The following ABHD3 variants were observed in gnomAD, a reference collection of about 807,000 sequenced individuals.
ABHD3 encodes abhydrolase domain containing 3, phospholipase.
A neutral mutation model predicts 48.8 loss-of-function variants in ABHD3; 46 were observed. The ratio of observed to expected loss-of-function variants is 0.94; its 90% CI spans 0.74 to 1.20. ABHD3 has a LOEUF of 1.20. Ranked by LOEUF, ABHD3 falls within the 50% of genes most tolerant of loss-of-function variation. The pLI is 0.00. For synonymous variants in ABHD3, 192 were observed against 183.7 expected (o/e 1.04, Z -0.36); for missense variants, 490 against 497.8 (o/e 0.98, Z 0.15).
chr18:21,696,755 T>TG (rs11442722), intron 3 of ABHD3, among the ~76,000 whole-genome samples: 13,529 of 151,628 alleles, frequency 0.089, 1,994 homozygotes, highest in African/African-American at 0.31. Context: ...TTGGTAGAAA[T>TG]GGGGGGTCTC....
At chr18:21,682,292 G>A (rs1419272939) in intron 4 of ABHD3, 1 of 152,212 alleles carries the variant, frequency 6.6e-6, no homozygotes, top group Non-Finnish European at 1.5e-5. Flanking sequence ...ATAGTAAGTA[G>A]CTGCTACTGT....
intron 5 of ABHD3, chr18:21,663,537 T>C (rs1046105383): frequency 1.4e-5 from 11 of 799,224 alleles, no homozygotes; most frequent in African/African-American, 3.5e-5. Flanking sequence ...CCCAAAGTAA[T>C]TGCAAGCAGC....
At chr18:21,654,246 C>T (rs1014250025) in intron 8 of ABHD3, among the ~76,000 whole-genome samples, 1 of 151,980 alleles carries the variant, frequency 6.6e-6, no homozygotes, top group Non-Finnish European at 1.5e-5. Flanking sequence ...GTGATTGATG[C>T]AATAATTACA....
rs1483254522 is a variant in ABHD3 at position 21,659,155 on chromosome 18, T to C, written c.842+15A>G. 3 of 1,608,478 alleles carry C rather than the reference T, an allele frequency of 1.9e-6. No homozygotes were observed. The highest frequency in any genetic ancestry group is 2.5e-6 in the Non-Finnish European group (3 of 1,177,672). Reference sequence around the variant, plus strand: ...GGCCCGGCCCTGGAGACAACAGATTTTAAAGATGACTCACTTATTAACTGA... The same window carrying C: ...GGCCCGGCCCTGGAGACAACAGATTCTAAAGATGACTCACTTATTAACTGA... On this transcript the variant is annotated intron_variant, in intron 6 of 8. Coordinates refer to ENST00000289119, the MANE Select transcript of ABHD3 (RefSeq NM_138340.5).
chr18:21,659,030 G>A (rs1248457930), intron 6 of ABHD3, 140 bp downstream of exon 6: 5 of 746,426 alleles, frequency 6.7e-6, no homozygotes, highest in African/African-American at 5.6e-5. Context: ...TGGTAGAGAC[G>A]GGGTTTCACC....
At chr18:21,652,038 C>T (rs1044330297) in intron 8 of ABHD3, among the ~76,000 whole-genome samples, 2 of 152,142 alleles carry the variant, frequency 1.3e-5, no homozygotes, top group Non-Finnish European at 2.9e-5. Flanking sequence ...CAAAAGTATA[C>T]ATCAAGTCTT....
chr18:21,695,549 G>A (rs754671292), intron 3 of ABHD3, among the ~76,000 whole-genome samples: 19 of 151,962 alleles, frequency 1.3e-4, no homozygotes, highest in Non-Finnish European at 2.5e-4. Context: ...AAAAGTAATT[G>A]GGGTTTTTGT....
chr18:21,696,737 G>GT (rs1031033413), intron 3 of ABHD3, among the ~76,000 whole-genome samples: 26 of 146,810 alleles, frequency 1.8e-4, no homozygotes, highest in African/African-American at 5.3e-4. Context: ...TTTAGTTTTG[G>GT]TTTTTTTTTG....
intron 4 of ABHD3, among the ~76,000 whole-genome samples, chr18:21,666,314 C>T (rs1157455856): frequency 6.6e-6 from 1 of 152,182 alleles, no homozygotes; most frequent in Non-Finnish European, 1.5e-5. Flanking sequence ...CTGCCTCAGT[C>T]TCCTGAGTAG....
intron 5 of ABHD3, among the ~76,000 whole-genome samples, chr18:21,663,226 C>A (rs935585110): frequency 6.6e-6 from 1 of 151,832 alleles, no homozygotes. Flanking sequence ...TTTTTCACAG[C>A]CACTGGCTAT....
chr18:21,704,613 T>TAG lies in ABHD3; in HGVS notation c.51_52dup (p.Tyr18SerfsTer33). ...CCCCACCCGGACTTGGTGTTCCAGG[T>TAG]AGAGGGAGAGCTCCCGGGACAACAT... On this transcript the variant is annotated frameshift_variant, in exon 1 of 9. Transcript: ENST00000289119. LOFTEE classifies it high-confidence loss of function. The TAG allele has an allele frequency of 6.5e-7, 1 of 1,550,060 alleles. No individual in the cohort carries two copies. The highest frequency in any genetic ancestry group is 8.7e-7 in the Non-Finnish European group (1 of 1,151,194).
At position 21,703,711 on chromosome 18, in the gene ABHD3, G is replaced by A. The variant is rs770885442; in HGVS notation, c.199C>T (p.Arg67Cys). ...ACGGGACAGTGGTCTTGAAGGAAGC[G>A]GCTGAAACTCTCACCCCCGGTCACT... The part of the protein sequence containing the change: ...QLVTGGESFS[R>C]FLQDHCPVVT... Residue 67 changes from arginine to cysteine, a missense_variant, in exon 2 of 9, where the codon CGC (arginine) becomes TGC (cysteine). Coordinates refer to ENST00000289119, the MANE Select transcript of ABHD3 (RefSeq NM_138340.5). 2.5e-6 allele frequency: 4 copies of A among 1,613,894 alleles called. No individual in the cohort carries two copies. The highest frequency in any genetic ancestry group is 2.2e-5 in the East Asian group (1 of 44,894).
chr18:21,659,738 G>C lies in ABHD3; in HGVS notation c.669-395C>G, dbSNP rs558153084. ...GCCTGGAGTGCAGTGGTGCGATCTCGGCTCACTGCAACCTCCACCCCCCTG... is the reference window on the plus strand; with the variant it reads ...GCCTGGAGTGCAGTGGTGCGATCTCCGCTCACTGCAACCTCCACCCCCCTG... On this transcript the variant is annotated intron_variant, in intron 5 of 8. Transcript: ENST00000289119. 3.5e-4 allele frequency among the ~76,000 whole-genome samples: 53 copies of C among 151,462 alleles called. 1 individual carries two copies. The highest frequency in any genetic ancestry group is 6.9e-4 in the Non-Finnish European group (47 of 67,896).
At chr18:21,679,776 CAGCCTCCCAA>C (rs2039965957) in intron 4 of ABHD3, among the ~76,000 whole-genome samples, 1 of 152,222 alleles carries the variant, frequency 6.6e-6, no homozygotes, top group Non-Finnish European at 1.5e-5. Flanking sequence ...CCACGCACCT[CAGCCTCCCAA>C]AGTGCTGGAA....
chr18:21,651,451 G>A lies in ABHD3; in HGVS notation c.*140C>T. On this transcript the variant is annotated 3_prime_UTR_variant, in exon 9 of 9. Transcript: ENST00000289119. ...CAAAGTTGTTTTGTTTCTCTAAAAA[G>A]TAGTTTTTGCATATCATTCTGGACC... is the stretch of plus-strand genomic sequence containing the variant. 1.1e-6 allele frequency: 1 copy of A among 870,344 alleles called. No homozygotes were observed. The highest frequency in any genetic ancestry group is 1.7e-6 in the Non-Finnish European group (1 of 595,198). 53.9% of individuals were successfully genotyped at this position (870,344 alleles called of 1,614,324 possible).
intron 4 of ABHD3, among the ~76,000 whole-genome samples, chr18:21,678,281 T>C (rs1175679146): frequency 6.6e-6 from 1 of 152,172 alleles, no homozygotes; most frequent in African/African-American, 2.4e-5. Context: ...TGAGAACATA[T>C]ATTTTCATTT....
At chr18:21,684,101 G>C (rs2040072330) in intron 3 of ABHD3, 136 bp from the exon 4 acceptor site, 2 of 699,536 alleles carry the variant, frequency 2.9e-6, no homozygotes, top group Non-Finnish European at 4.5e-6. Context: ...GTAATGTTTG[G>C]CAATTTCATC....
chr18:21,660,881 G>A (rs1344865573), intron 5 of ABHD3, among the ~76,000 whole-genome samples: 1 of 152,000 alleles, frequency 6.6e-6, no homozygotes, highest in Admixed American at 6.6e-5. Flanking sequence ...TTGATGGGAG[G>A]TCAGATATTG....
intron 3 of ABHD3, among the ~76,000 whole-genome samples, chr18:21,695,832 C>T (rs900009887): frequency 1.3e-5 from 2 of 152,096 alleles, no homozygotes; most frequent in African/African-American, 4.8e-5. Flanking sequence ...CATTTCCCTG[C>T]TGCTGCTGCA....
Sources: allele counts gnomAD v4.1 joint callset (sites outside exome capture counted in the v4.1 genomes callset), GRCh38; gene constraint gnomAD v4.1.1; transcripts MANE v1.5; gene names NCBI Gene and HGNC (gene_info 2026-07-23, HGNC 2026-07-21).